Variants in PLCG1 observed in about 807,000 individuals in gnomAD.
PLCG1 encodes phospholipase C gamma 1.
In PLCG1, 71 loss-of-function variants were observed where a neutral mutation model predicts 177.8. The observed-to-expected ratio is 0.40, with a 90% CI of 0.33 to 0.49. PLCG1 has a LOEUF of 0.49. PLCG1 is among the 20% of genes least tolerant of loss of function. The pLI, the probability that PLCG1 is intolerant of heterozygous loss-of-function variation, is 0.72. For synonymous variants in PLCG1, 658 were observed against 647.9 expected (o/e 1.02, Z -0.24); for missense variants, 1,281 against 1,709.0 (o/e 0.75, Z 4.42).
At chr20:41,140,536 A>T (rs1442775548) in intron 1 of PLCG1, among the ~76,000 whole-genome samples, 1 of 152,122 alleles carries the variant, frequency 6.6e-6, no homozygotes, top group African/African-American at 2.4e-5. Context: ...CCTGAGGGAG[A>T]GACAGTGTGG....
chr20:41,160,978 A>G lies in PLCG1; in HGVS notation c.512+825A>G, dbSNP rs1197141289. ...TGATGCCTATTAGCTGTCCAGGGAG[A>G]GATGTTGAGTAGGCAGGTGGTTAGA... On this transcript the variant is annotated intron_variant, in intron 4 of 31. Transcript: ENST00000685551. The surrounding 1 kb of genome is among the most constrained non-coding windows in gnomAD (Gnocchi z 5.5). Among the ~76,000 whole-genome samples the G allele has an allele frequency of 6.6e-6, 1 of 151,924 alleles. No homozygotes were observed. The highest frequency in any genetic ancestry group is 6.6e-5 in the Admixed American group (1 of 15,250).
In PLCG1 at chr20:41,144,988, G is replaced by A. The variant is rs2034952998; in HGVS notation, c.217+7130G>A. Among the ~76,000 whole-genome samples the A allele has an allele frequency of 6.6e-6, 1 of 152,216 alleles. No individual in the cohort carries two copies. Among genetic ancestry groups the A allele is most frequent in the South Asian group, 2.1e-4 (1 of 4,828 alleles). ...GTGCCAAGCACTGTGGAGACCAGTAGTGGACATAAGGTTAGGGTAGATACA... is the reference window on the plus strand; with the variant it reads ...GTGCCAAGCACTGTGGAGACCAGTAATGGACATAAGGTTAGGGTAGATACA... On this transcript the variant is annotated intron_variant, in intron 1 of 31. Transcript: ENST00000685551. The surrounding 1 kb of genome is among the most constrained non-coding windows in gnomAD (Gnocchi z 4.1).
At chr20:41,162,406 C>A (rs1481063077) in intron 4 of PLCG1, 46 bp from the exon 5 acceptor site, 1 of 1,473,086 alleles carries the variant, frequency 6.8e-7, no homozygotes, top group African/African-American at 1.4e-5. Flanking sequence ...GGTCAGAGGT[C>A]ATGAGAAGCT....
At chr20:41,155,802 G>C (rs897004122) in intron 1 of PLCG1, among the ~76,000 whole-genome samples, 4 of 152,112 alleles carry the variant, frequency 2.6e-5, no homozygotes, top group Non-Finnish European at 5.9e-5. Context: ...TCTATTACCA[G>C]CACTTCCCAG....
chr20:41,162,908 C>T, intron 6 of PLCG1, 50 bp from the exon 7 acceptor site: 1 of 1,578,836 alleles, frequency 6.3e-7, no homozygotes, highest in Non-Finnish European at 8.7e-7. Flanking sequence ...AGCCCATTTC[C>T]CACATGGCCT....
rs1339676922 is a variant in PLCG1, at chr20:41,173,380, C to T, written c.3280-40C>T. The T allele has an allele frequency of 2.0e-6, 3 of 1,520,408 alleles. No homozygotes were observed. Among genetic ancestry groups the T allele is most frequent in the Non-Finnish European group, 2.7e-6 (3 of 1,131,626 alleles). 94.2% of individuals were successfully genotyped at this position (1,520,408 alleles called of 1,614,324 possible). On this transcript the variant is annotated intron_variant, in intron 27 of 31. Transcript: ENST00000685551. This position sits in a 1 kb window ranked among gnomAD's most constrained non-coding sequence, Gnocchi z 6.2. ...CTCCGCAGTGGGGAATTGGAGGGAG[C>T]AGGAAGGACAATCCCAGGCCCTTCT... is the stretch of plus-strand genomic sequence containing the variant.
Position 41,172,627 on chromosome 20 carries a change from C to T in PLCG1, c.3112C>T (p.Leu1038Phe). The part of the protein sequence containing the change: ...MWICGSQLVA[L>F]NFQTPDKPMQ... ...GATCTGTGGCAGTCAGCTTGTGGCC[C>T]TCAACTTCCAGACCCCTGGTGAGGA... Residue 1038 changes from leucine (L) to phenylalanine (F), a missense_variant, in exon 26 of 32, where the codon CTC becomes TTC. By Grantham distance (22) the Leu-to-Phe change is conservative (BLOSUM62 0). Coordinates refer to ENST00000685551, the MANE Select transcript of PLCG1 (RefSeq NM_002660.3). This position sits in a 1 kb window ranked among gnomAD's most constrained non-coding sequence, Gnocchi z 7.0. 6.2e-7 allele frequency: 1 copy of T among 1,614,124 alleles called. No individual in the cohort carries two copies. Among genetic ancestry groups the T allele is most frequent in the Non-Finnish European group, 8.5e-7 (1 of 1,179,978 alleles).
chr20:41,140,011 A>G (rs531494284), intron 1 of PLCG1, among the ~76,000 whole-genome samples: 1 of 152,164 alleles, frequency 6.6e-6, no homozygotes, highest in Admixed American at 6.5e-5. Context: ...AACAGAAAAG[A>G]GGGGTGCAGA....
At chr20:41,138,082 G>C in intron 1 of PLCG1, 1 of 375,066 alleles carries the variant, frequency 2.7e-6, no homozygotes, top group East Asian at 3.8e-5. Context: ...CCCCCAGCTG[G>C]GGGGAGTGTT....
rs982531048 is a variant in PLCG1, at chr20:41,173,062, A to G, written c.3279+185A>G. On this transcript the variant is annotated intron_variant, in intron 27 of 31. Transcript: ENST00000685551. This position sits in a 1 kb window ranked among gnomAD's most constrained non-coding sequence, Gnocchi z 6.2. ...GTCACTGTATGCATCTAGGACGTGC[A>G]GAGCCATGGTGTGACTTGTTCTGAT... 1.3e-5 allele frequency among the ~76,000 whole-genome samples: 2 copies of G among 152,230 alleles called. No homozygotes were observed. The highest frequency in any genetic ancestry group is 4.8e-5 in the African/African-American group (2 of 41,456).
At chr20:41,138,197 G>A (rs1600622060) in intron 1 of PLCG1, among the ~76,000 whole-genome samples, 1 of 152,292 alleles carries the variant, frequency 6.6e-6, no homozygotes, top group East Asian at 1.9e-4. Context: ...TCGGCGAGGG[G>A]AGCTAAGGCA....
chr20:41,172,539 C>T lies in PLCG1; in HGVS notation c.3024C>T (p.Leu1008=), dbSNP rs1318054788. Reference sequence around the variant, plus strand: ...TCCTTCAGTACAATCGACTGCAGCTCTCCCGCATCTACCCCAAGGGCCAGC... The same window carrying T: ...TCCTTCAGTACAATCGACTGCAGCTTTCCCGCATCTACCCCAAGGGCCAGC... ...KKFLQYNRLQ[L]SRIYPKGQRL... The change falls in exon 26 of 32, where the codon CTC becomes CTT. Residue 1008 remains leucine (L), a synonymous_variant. Coordinates refer to ENST00000685551, the MANE Select transcript of PLCG1 (RefSeq NM_002660.3). This position sits in a 1 kb window ranked among gnomAD's most constrained non-coding sequence, Gnocchi z 7.0. 1 of 1,614,182 alleles carries T rather than the reference C, an allele frequency of 6.2e-7. No homozygotes were observed. The highest frequency in any genetic ancestry group is 8.5e-7 in the Non-Finnish European group (1 of 1,179,994).
At chr20:41,140,050 T>C (rs1016414974) in intron 1 of PLCG1, among the ~76,000 whole-genome samples, 10 of 152,008 alleles carry the variant, frequency 6.6e-5, no homozygotes, top group Admixed American at 6.6e-4. Flanking sequence ...GCCTCATGTA[T>C]TTGGGGGATG....
intron 1 of PLCG1, among the ~76,000 whole-genome samples, chr20:41,143,414 T>C (rs2034894045): frequency 6.6e-6 from 1 of 152,192 alleles, no homozygotes; most frequent in African/African-American, 2.4e-5. Context: ...CCACTTGCTT[T>C]GTTAGAACTA....
At position 41,163,432 on chromosome 20, in the gene PLCG1, C is replaced by G; in HGVS notation, c.844C>G (p.Arg282Gly). 1 of 1,612,952 alleles carries G rather than the reference C, an allele frequency of 6.2e-7. No homozygotes were observed. The highest frequency in any genetic ancestry group is 8.5e-7 in the Non-Finnish European group (1 of 1,179,500). Residue 282 changes from arginine to glycine, a missense_variant, in exon 9 of 32, where the codon CGA (arginine) becomes GGA (glycine). By Grantham distance (125) the Arg-to-Gly change is moderately radical. Around this residue, in one of 4 missense-constraint regions of PLCG1, gnomAD observed 374 missense variants for 443.8 expected, o/e 0.84. Transcript: ENST00000685551. This position sits in a 1 kb window ranked among gnomAD's most constrained non-coding sequence, Gnocchi z 5.2. Reference sequence around the variant, plus strand: ...GCAGGAGTTCATGCTCAGCTTCCTCCGAGACCCCTTACGAGAGATCGAGGA... The same window carrying G: ...GCAGGAGTTCATGCTCAGCTTCCTCGGAGACCCCTTACGAGAGATCGAGGA... ...QVQEFMLSFLRDPLREIEEPY... is the reference protein window; with the variant it reads ...QVQEFMLSFLGDPLREIEEPY...
chr20:41,143,362 A>G (rs920655275), intron 1 of PLCG1, among the ~76,000 whole-genome samples: 4 of 152,188 alleles, frequency 2.6e-5, no homozygotes, highest in Non-Finnish European at 5.9e-5. Flanking sequence ...GAGGCCTGAG[A>G]TTGCAAAGGT....
Position 41,177,251 on chromosome 20 carries a change from T to G in PLCG1, c.*2742T>G, listed in dbSNP as rs1038025119. On this transcript the variant is annotated 3_prime_UTR_variant, in exon 32 of 32. Coordinates refer to ENST00000685551, the MANE Select transcript of PLCG1 (RefSeq NM_002660.3). ...GACAGACCTTTCACTTTCAACAGCT[T>G]TGGCTCAGCAGACATGTACACATAC... 3 of 152,240 alleles carry G rather than the reference T, an allele frequency of 2.0e-5. No individual in the cohort carries two copies. The highest frequency in any genetic ancestry group is 7.2e-5 in the African/African-American group (3 of 41,468). The allele number at this position is 152,240 out of a possible 1,614,324, so 9.4% of individuals were successfully genotyped here.
rs373517385 is a variant in PLCG1 at position 41,170,093 on chromosome 20, T to C, written c.2651-19T>C. ...GTGAGATGTCTATTCCCAGCTGTTA[T>C]CTGCTCTCGCCCTCCCAGCCATCCG... On this transcript the variant is annotated intron_variant, in intron 23 of 31. Transcript: ENST00000685551. 5.1e-5 allele frequency: 82 copies of C among 1,595,588 alleles called. No homozygotes were observed. The highest frequency in any genetic ancestry group is 3.9e-4 in the South Asian group (34 of 88,186).
intron 23 of PLCG1, 47 bp downstream of exon 23, chr20:41,169,573 T>G: frequency 7.0e-7 from 1 of 1,422,114 alleles, no homozygotes; most frequent in South Asian, 1.2e-5. Flanking sequence ...TAGGGTGAGA[T>G]TCTTCTTTGT....
Sources: gnomAD v4.1 joint callset for allele counts (sites outside exome capture counted in the v4.1 genomes callset) on GRCh38, gnomAD v4.1.1 for gene constraint, gnomAD v4.1.1 regional missense constraint, Gnocchi (gnomAD v3.1) non-coding constraint, MANE v1.5 for transcripts, NCBI Gene and HGNC (gene_info 2026-07-23, HGNC 2026-07-21) for gene names.